OR1J2: variants seen among roughly 807,000 people sequenced by gnomAD.
OR1J2 encodes the protein olfactory receptor 1J2.
For synonymous variants in OR1J2, 142 were observed against 99.7 expected (o/e 1.42, Z -2.52); for missense variants, 304 against 246.1 (o/e 1.24, Z -1.57).
At chr9:122,562,757 G>T in the OR1J2 span, among the ~76,000 whole-genome samples, 1 of 152,166 alleles carries the variant, frequency 6.6e-6, no homozygotes, top group Non-Finnish European at 1.5e-5. Flanking sequence ...AAATAAGTGA[G>T]AATATGGGTA....
At chr9:122,544,415 C>CTTTTTTTTTTTTTT in the OR1J2 span, among the ~76,000 whole-genome samples, 2 of 85,352 alleles carry the variant, frequency 2.3e-5, no homozygotes, top group Non-Finnish European at 4.4e-5. Context: ...CCTCTTTTTT[C>CTTTTTTTTTTTTTT]TTTTTTTTTT....
the OR1J2 span, among the ~76,000 whole-genome samples, chr9:122,494,205 T>G: frequency 6.6e-6 from 1 of 152,158 alleles, no homozygotes; most frequent in Non-Finnish European, 1.5e-5. Flanking sequence ...CCATTTGTTT[T>G]GCGGTATAGT....
the OR1J2 span, among the ~76,000 whole-genome samples, chr9:122,457,336 T>C: frequency 5.2e-3 from 794 of 152,176 alleles, 3 homozygotes; most frequent in Middle Eastern, 0.024. Flanking sequence ...CGTTTGCCTA[T>C]GTAACAAACC....
the OR1J2 span, among the ~76,000 whole-genome samples, chr9:122,544,498 G>A: frequency 1.5e-3 from 201 of 129,950 alleles, no homozygotes; most frequent in African/African-American, 5.7e-3. Flanking sequence ...TCAGCTCACC[G>A]CACCCTCCGC....
chr9:122,473,139 G>T, the OR1J2 span, among the ~76,000 whole-genome samples: 1 of 152,102 alleles, frequency 6.6e-6, no homozygotes, highest in African/African-American at 2.4e-5. Context: ...AAAACTTACT[G>T]ATTGTTGGAT....
the OR1J2 span, chr9:122,553,632 C>T: frequency 6.2e-7 from 1 of 1,613,984 alleles, no homozygotes; most frequent in Non-Finnish European, 8.5e-7. Flanking sequence ...ATCTATGAGT[C>T]CCCAGCTCTG....
the OR1J2 span, among the ~76,000 whole-genome samples, chr9:122,564,225 C>T: frequency 5.9e-5 from 9 of 152,274 alleles, no homozygotes; most frequent in East Asian, 1.2e-3. Flanking sequence ...TAGCTCAGAT[C>T]CAACTTACGG....
At chr9:122,543,088 G>T in the OR1J2 span, among the ~76,000 whole-genome samples, 1 of 152,140 alleles carries the variant, frequency 6.6e-6, no homozygotes, top group Non-Finnish European at 1.5e-5. Flanking sequence ...AAACTTTTGG[G>T]TGGACATATT....
At chr9:122,501,085 C>G in the OR1J2 span, among the ~76,000 whole-genome samples, 63 of 152,156 alleles carry the variant, frequency 4.1e-4, no homozygotes, top group African/African-American at 1.5e-3. Flanking sequence ...TTTTAAAAAC[C>G]TGCACATGCT....
the OR1J2 span, among the ~76,000 whole-genome samples, chr9:122,547,693 G>A: frequency 1.0e-4 from 15 of 147,906 alleles, no homozygotes; most frequent in East Asian, 2.3e-3. Context: ...CCAGTCATTC[G>A]TTGATGAACA....
chr9:122,492,170 C>T, the OR1J2 span, among the ~76,000 whole-genome samples: 9 of 151,992 alleles, frequency 5.9e-5, no homozygotes, highest in African/African-American at 1.9e-4. Flanking sequence ...CCTTCTTTAA[C>T]AGTTCCCAGT....
At chr9:122,507,758 G>A (rs192792646), upstream of OR1J2, among the ~76,000 whole-genome samples, 11 of 152,242 alleles carry the variant, frequency 7.2e-5, no homozygotes, top group East Asian at 1.2e-3. Context: ...TTTCTCCTGC[G>A]TGTAAAAGGA....
At chr9:122,466,959 C>A in the OR1J2 span, among the ~76,000 whole-genome samples, 2 of 152,118 alleles carry the variant, frequency 1.3e-5, no homozygotes, top group Non-Finnish European at 2.9e-5. Flanking sequence ...GCTGGGATTA[C>A]AGGTGCCCAC....
the OR1J2 span, chr9:122,519,353 C>G: frequency 1.2e-6 from 2 of 1,614,142 alleles, no homozygotes; most frequent in Non-Finnish European, 1.7e-6. Flanking sequence ...TCACTGACAT[C>G]TCCCTTTCAT....
the OR1J2 span, among the ~76,000 whole-genome samples, chr9:122,501,338 G>A: frequency 6.6e-6 from 1 of 152,152 alleles, no homozygotes. Context: ...AGACACTACT[G>A]CTGTGTCTTC....
chr9:122,462,068 A>G, the OR1J2 span, among the ~76,000 whole-genome samples: 18 of 152,272 alleles, frequency 1.2e-4, no homozygotes, highest in Admixed American at 8.5e-4. Context: ...CCTTAGGTCT[A>G]GTAGTAATTG....
At chr9:122,562,362 G>A in the OR1J2 span, among the ~76,000 whole-genome samples, 2 of 152,240 alleles carry the variant, frequency 1.3e-5, no homozygotes, top group Non-Finnish European at 2.9e-5. Flanking sequence ...ACTCCTCCCA[G>A]GAAGTCAGCA....
chr9:122,483,799 G>A, the OR1J2 span, among the ~76,000 whole-genome samples: 1 of 152,018 alleles, frequency 6.6e-6, no homozygotes, highest in South Asian at 2.1e-4. Flanking sequence ...CTTTATTTTT[G>A]AACTAAGTAA....
chr9:122,468,778 A>G, the OR1J2 span, among the ~76,000 whole-genome samples: 1 of 152,012 alleles, frequency 6.6e-6, no homozygotes, highest in Admixed American at 6.6e-5. Context: ...CGTTTTACAC[A>G]CTCATCACAC....
Sources: allele counts gnomAD v4.1 joint callset (sites outside exome capture counted in the v4.1 genomes callset), GRCh38; gene constraint gnomAD v4.1.1; transcripts MANE v1.5; gene names NCBI Gene and HGNC (gene_info 2026-07-23, HGNC 2026-07-21).